Variants in GART observed in about 807,000 individuals in gnomAD.
GART encodes the protein phosphoribosylglycinamide formyltransferase, phosphoribosylglycinamide synthetase, phosphoribosylaminoimidazole synthetase, also known as trifunctional purine biosynthetic protein adenosine-3.
GART carries 43 observed loss-of-function variants against 107.2 expected under a neutral mutation model. The observed-to-expected ratio is 0.40, with a 90% CI of 0.31 to 0.52. The LOEUF is 0.52. Ranked by LOEUF, GART falls within the 20% of genes least tolerant of loss-of-function variation. The probability of loss-of-function intolerance (pLI) is 0.52; values close to 1 mark genes in which losing one functional copy is unlikely to be tolerated. For missense variants in GART, 1,107 were observed against 1,206.5 expected (o/e 0.92, Z 1.22); for synonymous variants, 434 against 427.0 (o/e 1.02, Z -0.20).
chr21:33,518,820 T>G, intron 14 of GART: 1 of 525,960 alleles, frequency 1.9e-6, no homozygotes, highest in Non-Finnish European at 3.7e-6. Flanking sequence ...CTAGTCAGAT[T>G]GTCTGCACCA....
At chr21:33,519,804 G>A (rs2084937333) in intron 14 of GART, among the ~76,000 whole-genome samples, 1 of 149,740 alleles carries the variant, frequency 6.7e-6, no homozygotes, top group African/African-American at 2.5e-5. Flanking sequence ...CTCCAACCTG[G>A]GTGACAGAGA....
In GART at chr21:33,511,276, C is replaced by G; in HGVS notation, c.2290G>C (p.Gly764Arg). 6.2e-7 allele frequency: 1 copy of G among 1,614,124 alleles called. No individual in the cohort carries two copies. The highest frequency in any genetic ancestry group is 8.5e-7 in the Non-Finnish European group (1 of 1,180,026). ...QQHKEEAWVI[G>R]SVVARAEGSP... ...CCTTCAGCTCGTGCAACCACACTGCCAATCACCCAGGCTTCTTCCTTGTGC... is the reference window on the plus strand; with the variant it reads ...CCTTCAGCTCGTGCAACCACACTGCGAATCACCCAGGCTTCTTCCTTGTGC... Residue 764 changes from glycine to arginine, a missense_variant, in exon 17 of 22, where the codon GGC (glycine) becomes CGC (arginine). By Grantham distance (125) the Gly-to-Arg change is moderately radical (BLOSUM62 -2). Transcript: ENST00000381815.
At chr21:33,523,308 A>G (rs1407943571) in intron 11 of GART, among the ~76,000 whole-genome samples, 1 of 152,240 alleles carries the variant, frequency 6.6e-6, no homozygotes, top group Non-Finnish European at 1.5e-5. Flanking sequence ...TAAAGCCAGC[A>G]GCTCTGGGTC....
chr21:33,515,671 A>C (rs1189844273), intron 16 of GART, among the ~76,000 whole-genome samples: 1 of 151,026 alleles, frequency 6.6e-6, no homozygotes, highest in Non-Finnish European at 1.5e-5. Flanking sequence ...AAAAAAAAAA[A>C]AAAACGAAAA....
intron 3 of GART, 68 bp downstream of exon 3, chr21:33,535,157 G>T (rs1314781032): frequency 7.4e-6 from 7 of 943,114 alleles, no homozygotes; most frequent in Non-Finnish European, 1.1e-5. Context: ...AAATGAATTG[G>T]ATTAGATGAT....
At chr21:33,514,370 A>G (rs2084840630) in intron 16 of GART, among the ~76,000 whole-genome samples, 1 of 152,218 alleles carries the variant, frequency 6.6e-6, no homozygotes, top group African/African-American at 2.4e-5. Flanking sequence ...GGAATTGTGC[A>G]ATGGCTTTTA....
chr21:33,519,699 T>G (rs1268399388), intron 14 of GART, among the ~76,000 whole-genome samples: 1 of 151,740 alleles, frequency 6.6e-6, no homozygotes, highest in Non-Finnish European at 1.5e-5. Context: ...TGGTGACACA[T>G]GCCTGTAGTT....
At position 33,531,515 on chromosome 21, in the gene GART, C is replaced by G; in HGVS notation, c.571G>C (p.Glu191Gln). The change falls in exon 6 of 22, where the codon GAA (glutamate) becomes CAA (glutamine). Residue 191 changes from glutamate (E) to glutamine (Q), a missense_variant. By Grantham distance (29) the Glu-to-Gln change is conservative (BLOSUM62 2). Coordinates refer to ENST00000381815, the MANE Select transcript of GART (RefSeq NM_000819.5). Reference sequence around the variant, plus strand: ...GACACCTCTTCTCCGTCAAGAAGTTCTTCAATGACAATTGTTTCTCCAGCT... The same window carrying G: ...GACACCTCTTCTCCGTCAAGAAGTTGTTCAATGACAATTGTTTCTCCAGCT... Reference protein sequence around the residue: ...GAAGETIVIEELLDGEEVSCL... With the variant: ...GAAGETIVIEQLLDGEEVSCL... 6.2e-7 allele frequency: 1 copy of G among 1,611,852 alleles called. No homozygotes were observed. The highest frequency in any genetic ancestry group is 1.3e-5 in the African/African-American group (1 of 74,636).
At chr21:33,528,097 G>T in intron 10 of GART, 70 bp downstream of exon 10, 2 of 1,433,410 alleles carry the variant, frequency 1.4e-6, no homozygotes, top group Non-Finnish European at 2.0e-6. Context: ...GCCTTAGTGT[G>T]AGAGGGGGGT....
intron 2 of GART, 78 bp downstream of exon 2, chr21:33,539,093 A>G (rs2085358451): frequency 7.1e-7 from 1 of 1,408,002 alleles, no homozygotes. Flanking sequence ...CTTTATTAAC[A>G]TAAAGTACAG....
rs1458147685 is a variant in GART at position 33,539,417 on chromosome 21, G to A, written c.-41-61C>T. ...GCACATTTTAGAAACCCAGGGACGGGCACAGTGGCTCATGCCTGTACCCCC... is the reference window on the plus strand; with the variant it reads ...GCACATTTTAGAAACCCAGGGACGGACACAGTGGCTCATGCCTGTACCCCC... On this transcript the variant is annotated intron_variant, in intron 1 of 21. Coordinates refer to ENST00000381815, the MANE Select transcript of GART (RefSeq NM_000819.5). 49 of 1,318,590 alleles carry A rather than the reference G, an allele frequency of 3.7e-5. No individual in the cohort carries two copies. The East Asian group carries it at 1.2e-3, about 32-fold the overall frequency. The allele number at this position is 1,318,590 out of a possible 1,614,324, so 81.7% of individuals were successfully genotyped here.
At chr21:33,531,886 C>A (rs896462375) in intron 5 of GART, 1 of 290,152 alleles carries the variant, frequency 3.4e-6, no homozygotes, top group Non-Finnish European at 6.4e-6. Context: ...TATAATTATA[C>A]ATGTTTGGCT....
chr21:33,513,676 A>C (rs1334445485), intron 16 of GART, among the ~76,000 whole-genome samples: 1 of 152,256 alleles, frequency 6.6e-6, no homozygotes, highest in Non-Finnish European at 1.5e-5. Flanking sequence ...AGTTGACCTC[A>C]GATTTAGTAA....
At chr21:33,525,080 GTTTC>G (rs1271810181) in intron 10 of GART, 80 bp from the exon 11 acceptor site, 11 of 1,423,984 alleles carry the variant, frequency 7.7e-6, no homozygotes, top group Middle Eastern at 4.1e-4. Flanking sequence ...ATTTCCACAA[GTTTC>G]TTTTTTTTTT....
At chr21:33,509,723 T>A in intron 18 of GART, 60 bp downstream of exon 18, 1 of 1,556,730 alleles carries the variant, frequency 6.4e-7, no homozygotes, top group Non-Finnish European at 8.8e-7. Flanking sequence ...CTCACAAGAG[T>A]GCGGGGAGGA....
chr21:33,539,871 G>A (rs2085378772), intron 1 of GART, among the ~76,000 whole-genome samples: 1 of 152,150 alleles, frequency 6.6e-6, no homozygotes, highest in Admixed American at 6.5e-5. Flanking sequence ...GGCCTAGAGA[G>A]CTAGGTTAAG....
rs2085187796 is a variant in GART, at chr21:33,531,498, T to C, written c.588A>G (p.Glu196=). The change falls in exon 6 of 22, where the codon GAA becomes GAG. Residue 196 remains glutamate, a synonymous_variant. Coordinates refer to ENST00000381815, the MANE Select transcript of GART (RefSeq NM_000819.5). ...AGATGAATATACATACCGACACCTC[T>C]TCTCCGTCAAGAAGTTCTTCAATGA... ...TIVIEELLDG[E]EVSCLCFTDG... 5 of 1,612,886 alleles carry C rather than the reference T, an allele frequency of 3.1e-6. No homozygotes were observed. The highest frequency in any genetic ancestry group is 4.2e-6 in the Non-Finnish European group (5 of 1,179,538).
In GART at chr21:33,530,883, C is replaced by T. The variant is rs375476509; in HGVS notation, c.599G>A (p.Cys200Tyr). ...AGTCTTGCCATCAGTGAAACACAGACACTATAAAGAAAACAAAATAGTCCA... is the reference window on the plus strand; with the variant it reads ...AGTCTTGCCATCAGTGAAACACAGATACTATAAAGAAAACAAAATAGTCCA... ...EELLDGEEVS[C>Y]LCFTDGKTVA... is the part of the protein sequence containing the mutation. The change falls in exon 7 of 22, where the codon TGT (cysteine) becomes TAT (tyrosine). Residue 200 changes from cysteine to tyrosine, a missense_variant and splice_region_variant. Transcript: ENST00000381815. The T allele has an allele frequency of 1.3e-6, 2 of 1,515,306 alleles. No homozygotes were observed. The highest frequency in any genetic ancestry group is 1.7e-6 in the Non-Finnish European group (2 of 1,144,774). The allele number at this position is 1,515,306 out of a possible 1,614,324, so 93.9% of individuals were successfully genotyped here. A position where few individuals can be genotyped will look rare whatever the true frequency, so the allele number is the denominator to read the frequency against.
chr21:33,530,779 C>A lies in GART; in HGVS notation c.703G>T (p.Ala235Ser), dbSNP rs554191541. 1.5e-5 allele frequency: 22 copies of A among 1,512,508 alleles called. No homozygotes were observed. Among genetic ancestry groups the A allele is most frequent in the Non-Finnish European group, 1.9e-5 (22 of 1,135,866 alleles). The allele number at this position is 1,512,508 out of a possible 1,614,324, so 93.7% of individuals were successfully genotyped here. ...AGTACCTGAGGGGCTGGACAATAGG[C>A]TCCCATTCCCCCTGTGTTAGGGCCA... ...DGGPNTGGMG[A>S]YCPAPQVSND... The change falls in exon 7 of 22, where the codon GCC becomes TCC. Residue 235 changes from alanine (A) to serine (S), a missense_variant. By Grantham distance (99) the Ala-to-Ser change is moderately conservative. Transcript: ENST00000381815.
Sources: gnomAD v4.1 joint callset for allele counts (sites outside exome capture counted in the v4.1 genomes callset) on GRCh38, gnomAD v4.1.1 for gene constraint, MANE v1.5 for transcripts, NCBI Gene and HGNC (gene_info 2026-07-23, HGNC 2026-07-21) for gene names.